Variants in COX10 observed in about 807,000 individuals in gnomAD.
COX10 encodes protoheme IX farnesyltransferase, mitochondrial.
In COX10, 27 loss-of-function variants were observed where a neutral mutation model predicts 37.3. The observed-to-expected ratio is 0.72, with a 90% confidence interval of 0.53 to 1.00. COX10 has a LOEUF of 1.00. COX10 is among the 50% of genes least tolerant of loss of function. The probability of loss-of-function intolerance (pLI) is 0.00; values close to 1 mark genes in which losing one functional copy is unlikely to be tolerated. For missense variants in COX10, 475 were observed against 563.2 expected (o/e 0.84, Z 1.59); for synonymous variants, 222 against 229.1 (o/e 0.97, Z 0.28).
chr17:14,207,351 GTTT>G lies in COX10; in HGVS notation c.*150_*152del, dbSNP rs200239586. 752 of 890,556 alleles carry G rather than the reference GTTT, an allele frequency of 8.4e-4. No individual in the cohort carries two copies. The highest frequency in any genetic ancestry group is 1.9e-3 in the East Asian group (63 of 32,946). 55.2% of individuals were successfully genotyped at this position (890,556 alleles called of 1,614,324 possible). On this transcript the variant is annotated 3_prime_UTR_variant, in exon 7 of 7. Coordinates refer to ENST00000261643, the MANE Select transcript of COX10 (RefSeq NM_001303.4). Reference sequence around the variant, plus strand: ...TTCGGTGCTCAGTGATCACTTGACAGTTTTTTTTTTTTTTAAATATTACCCAAA... The same window carrying G: ...TTCGGTGCTCAGTGATCACTTGACAGTTTTTTTTTTTAAATATTACCCAAA...
intron 5 of COX10, among the ~76,000 whole-genome samples, chr17:14,169,466 G>A (rs1905391247): frequency 6.6e-6 from 1 of 152,064 alleles, no homozygotes; most frequent in Admixed American, 6.6e-5. Context: ...AGGTATCTTT[G>A]TAAGAGCACC....
chr17:14,193,794 C>A (rs2261136), intron 6 of COX10, among the ~76,000 whole-genome samples: 3,070 of 139,972 alleles, frequency 0.022, 106 homozygotes, highest in African/African-American at 0.072. Flanking sequence ...TCCCTCTCCC[C>A]CTTAACGCAA....
intron 3 of COX10, among the ~76,000 whole-genome samples, chr17:14,101,681 G>A (rs547116493): frequency 1.3e-5 from 2 of 152,286 alleles, no homozygotes; most frequent in African/African-American, 4.8e-5. Context: ...GTTTGTCACA[G>A]ACTTGGGATC....
chr17:14,186,261 C>T (rs1317478918), intron 5 of COX10, among the ~76,000 whole-genome samples: 1 of 151,918 alleles, frequency 6.6e-6, no homozygotes, highest in African/African-American at 2.4e-5. Context: ...TGCATTTGCC[C>T]AGAGGTCTCT....
At position 14,150,687 on chromosome 17, in the gene COX10, T is replaced by C. The variant is rs145040206; in HGVS notation, c.625-9190T>C. Reference sequence around the variant, plus strand: ...GGAAAGACGTTTCAGTTGGCCCAGTTTGAATCAGATAACACACTCAGTAAT... The same window carrying C: ...GGAAAGACGTTTCAGTTGGCCCAGTCTGAATCAGATAACACACTCAGTAAT... On this transcript the variant is annotated intron_variant, in intron 4 of 6. Coordinates refer to ENST00000261643, the MANE Select transcript of COX10 (RefSeq NM_001303.4). Among the ~76,000 whole-genome samples, 630 of 152,306 alleles carry C rather than the reference T, an allele frequency of 4.1e-3. 5 individuals carry two copies. The highest frequency in any genetic ancestry group is 0.013 in the African/African-American group (546 of 41,566).
chr17:14,199,151 A>G (rs1485766402), intron 6 of COX10, among the ~76,000 whole-genome samples: 1 of 151,896 alleles, frequency 6.6e-6, no homozygotes, highest in Non-Finnish European at 1.5e-5. Flanking sequence ...TTGGAGGCAA[A>G]CTGGTACTAA....
intron 3 of COX10, among the ~76,000 whole-genome samples, chr17:14,084,694 CTT>C (rs1321311777): frequency 6.6e-6 from 1 of 152,044 alleles, no homozygotes; most frequent in East Asian, 1.9e-4. Context: ...AAATTTCGCT[CTT>C]GTCACCCAGT....
chr17:14,091,943 A>T (rs1480199099), intron 3 of COX10, among the ~76,000 whole-genome samples: 1 of 152,168 alleles, frequency 6.6e-6, no homozygotes, highest in African/African-American at 2.4e-5. Context: ...CTGCTTCTTA[A>T]AAGTTTCAGT....
chr17:14,087,420 G>A (rs550340061), intron 3 of COX10, among the ~76,000 whole-genome samples: 31 of 152,252 alleles, frequency 2.0e-4, no homozygotes, highest in Admixed American at 1.8e-3. Context: ...AAGCTCCATG[G>A]GGTGGGGCAT....
rs562612160 is a variant in COX10, at chr17:14,174,254, G to T, written c.695+14307G>T. ...GCAGGAGGACTGCTTGAGCCCAGGA[G>T]TTTGAGACCAGTCTGGGCAATATAG... On this transcript the variant is annotated intron_variant, in intron 5 of 6. Coordinates refer to ENST00000261643, the MANE Select transcript of COX10 (RefSeq NM_001303.4). 2.5e-4 allele frequency among the ~76,000 whole-genome samples: 38 copies of T among 152,078 alleles called. No individual in the cohort carries two copies. In the South Asian group the frequency reaches 7.5e-3, roughly 30 times the overall value.
At chr17:14,157,217 G>A (rs910679692) in intron 4 of COX10, among the ~76,000 whole-genome samples, 3 of 152,188 alleles carry the variant, frequency 2.0e-5, no homozygotes, top group African/African-American at 4.8e-5. Flanking sequence ...ACAGTTTGCC[G>A]ACACCTGCAT....
intron 4 of COX10, among the ~76,000 whole-genome samples, chr17:14,112,405 A>G (rs576897539): frequency 5.0e-4 from 76 of 152,266 alleles, no homozygotes; most frequent in African/African-American, 1.7e-3. Flanking sequence ...ATGCCATTAC[A>G]TAGTAGAAAG....
intron 3 of COX10, among the ~76,000 whole-genome samples, chr17:14,088,687 T>G (rs1003007812): frequency 2.7e-4 from 41 of 152,114 alleles, no homozygotes; most frequent in African/African-American, 9.2e-4. Context: ...TAAGTGAAAA[T>G]TTGAAAAACA....
intron 4 of COX10, among the ~76,000 whole-genome samples, chr17:14,123,942 TC>T (rs1289637231): frequency 6.6e-6 from 1 of 151,650 alleles, no homozygotes; most frequent in Non-Finnish European, 1.5e-5. Flanking sequence ...TATTTTTTTT[TC>T]CTCAGTGCTC....
chr17:14,162,352 C>T (rs887451452), intron 5 of COX10, among the ~76,000 whole-genome samples: 3 of 152,164 alleles, frequency 2.0e-5, no homozygotes, highest in African/African-American at 7.2e-5. Context: ...TACCCCTTCA[C>T]ACATAACGCT....
chr17:14,201,830 G>A (rs1426325482), intron 6 of COX10, among the ~76,000 whole-genome samples: 1 of 152,188 alleles, frequency 6.6e-6, no homozygotes, highest in Non-Finnish European at 1.5e-5. Flanking sequence ...GGGCTTCTCT[G>A]TACCTCGTGT....
chr17:14,138,962 C>G (rs560121126), intron 4 of COX10, among the ~76,000 whole-genome samples: 101 of 152,202 alleles, frequency 6.6e-4, no homozygotes, highest in Admixed American at 1.2e-3. Flanking sequence ...GGGATCATAT[C>G]CAAGCAGTAC....
Position 14,130,108 on chromosome 17 carries a change from A to G in COX10, c.624+27866A>G, listed in dbSNP as rs994254440. 1.8e-4 allele frequency among the ~76,000 whole-genome samples: 28 copies of G among 152,322 alleles called. 1 individual carries two copies. The highest frequency in any genetic ancestry group is 5.1e-4 in the African/African-American group (21 of 41,578). On this transcript the variant is annotated intron_variant, in intron 4 of 6. Transcript: ENST00000261643. ...TTAAGAATGTAAAAATCCTTTGGAC[A>G]TAAGTGAGGAGTTTCTGCTCCCAAT...
chr17:14,144,427 T>C (rs1338243589), intron 4 of COX10, among the ~76,000 whole-genome samples: 1 of 152,170 alleles, frequency 6.6e-6, no homozygotes, highest in Admixed American at 6.6e-5. Context: ...CAAGGATTTA[T>C]TAACTATGAA....
Sources: gnomAD v4.1 joint callset for allele counts (sites outside exome capture counted in the v4.1 genomes callset) on GRCh38, gnomAD v4.1.1 for gene constraint, MANE v1.5 for transcripts, NCBI Gene and HGNC (gene_info 2026-07-23, HGNC 2026-07-21) for gene names.